The following EML1 variants were observed in gnomAD, a reference collection of about 807,000 sequenced individuals.
EML1 encodes EMAP like 1.
In EML1, 27 loss-of-function variants were observed where a neutral mutation model predicts 110.4. The observed-to-expected ratio is 0.24, with a 90% confidence interval of 0.18 to 0.34. The LOEUF is 0.34. Among genes scored for constraint, EML1 ranks in the 10% least tolerant of loss-of-function variants. The pLI, the probability that EML1 is intolerant of heterozygous loss-of-function variation, is 1.00. For synonymous variants in EML1, 344 were observed against 385.8 expected (o/e 0.89, Z 1.27); for missense variants, 741 against 1,030.9 (o/e 0.72, Z 3.85).
chr14:99,822,404 G>T (rs2058279918), intron 1 of EML1, among the ~76,000 whole-genome samples: 1 of 152,106 alleles, frequency 6.6e-6, no homozygotes, highest in South Asian at 2.1e-4. Context: ...ATAATTCTTT[G>T]TATTTGTAAG....
At chr14:99,756,437 G>A (rs1042958545) in intron 1 of EML1, among the ~76,000 whole-genome samples, 8 of 152,220 alleles carry the variant, frequency 5.3e-5, no homozygotes, top group African/African-American at 1.7e-4. Context: ...GGCAAAGGCC[G>A]CGGGAGGCCT....
At chr14:99,849,221 G>GAA (rs1397209882) in intron 1 of EML1, among the ~76,000 whole-genome samples, 1 of 152,096 alleles carries the variant, frequency 6.6e-6, no homozygotes. Flanking sequence ...TGCTTTCTTG[G>GAA]AAGATATTTT....
intron 1 of EML1, among the ~76,000 whole-genome samples, chr14:99,801,286 T>C (rs1298343546): frequency 1.3e-5 from 2 of 152,144 alleles, no homozygotes; most frequent in Non-Finnish European, 2.9e-5. Flanking sequence ...CAATTAAACA[T>C]GTCAAAAATG....
upstream of EML1, among the ~76,000 whole-genome samples, chr14:99,789,260 G>A (rs1178846985): frequency 6.6e-6 from 1 of 152,110 alleles, no homozygotes; most frequent in East Asian, 1.9e-4. Flanking sequence ...CCAGGATAGA[G>A]TGCAGTGGCA....
intron 1 of EML1, among the ~76,000 whole-genome samples, chr14:99,804,694 A>G (rs564061021): frequency 6.6e-6 from 1 of 152,196 alleles, no homozygotes; most frequent in Non-Finnish European, 1.5e-5. Context: ...GAGGCCACAC[A>G]TGGTTTACAA....
At chr14:99,770,779 A>T (rs866994671), upstream of EML1, among the ~76,000 whole-genome samples, 90 of 91,606 alleles carry the variant, frequency 9.8e-4, no homozygotes, top group East Asian at 1.7e-3. Flanking sequence ...GTTTCCGCTG[A>T]TTTTTTTTTT....
upstream of EML1, among the ~76,000 whole-genome samples, chr14:99,793,135 G>T (rs554433779): frequency 3.7e-3 from 557 of 149,556 alleles, no homozygotes; most frequent in Middle Eastern, 0.014. Flanking sequence ...GACAGCGGGC[G>T]GCAGACGCGC....
At chr14:99,913,941 C>T (rs1381418372) in intron 13 of EML1, among the ~76,000 whole-genome samples, 1 of 152,158 alleles carries the variant, frequency 6.6e-6, no homozygotes, top group African/African-American at 2.4e-5. Flanking sequence ...CCACCTGCTT[C>T]AGCCTCCCAA....
intron 1 of EML1, among the ~76,000 whole-genome samples, chr14:99,766,765 G>T (rs1175251914): frequency 6.6e-6 from 1 of 152,146 alleles, no homozygotes; most frequent in Non-Finnish European, 1.5e-5. Context: ...AAAATTTAAC[G>T]AAGCCAGCTG....
rs183860885 is a variant in EML1, at chr14:99,881,792, G to T, written c.518+3173G>T. Among the ~76,000 whole-genome samples the T allele has an allele frequency of 8.6e-5, 13 of 151,964 alleles. No individual in the cohort carries two copies. The East Asian group carries it at 2.3e-3, about 27-fold the overall frequency. On this transcript the variant is annotated intron_variant, in intron 4 of 21. Coordinates refer to ENST00000262233, the MANE Select transcript of EML1 (RefSeq NM_004434.3). ...AGTTTTATATTTTTAGTAGAGACGG[G>T]GTTTCACCACATTGGCCAGGATGGT...
At chr14:99,790,244 C>T (rs1005199861), upstream of EML1, among the ~76,000 whole-genome samples, 12 of 152,122 alleles carry the variant, frequency 7.9e-5, no homozygotes, top group African/African-American at 2.9e-4. Flanking sequence ...AAATATATGT[C>T]TCCTTTCCCA....
chr14:99,929,435 C>A (rs1430923741), intron 17 of EML1, among the ~76,000 whole-genome samples: 2 of 152,214 alleles, frequency 1.3e-5, no homozygotes, highest in Admixed American at 6.5e-5. Flanking sequence ...ATGGTGGACT[C>A]AGACCCCTGG....
intron 1 of EML1, among the ~76,000 whole-genome samples, chr14:99,821,643 T>A (rs1288804411): frequency 6.6e-6 from 1 of 152,236 alleles, no homozygotes; most frequent in Non-Finnish European, 1.5e-5. Flanking sequence ...TCTTTCCATT[T>A]GTCACACCTG....
Position 99,898,280 on chromosome 14 carries a change from C to G in EML1, c.875C>G (p.Ala292Gly). Residue 292 changes from alanine (A) to glycine (G), a missense_variant, in exon 8 of 22, where the codon GCG (alanine) becomes GGG (glycine). By Grantham distance (60) the Ala-to-Gly change is moderately conservative. Around this residue, in one of 4 missense-constraint regions of EML1, gnomAD observed 388 missense variants for 605.6 expected, o/e 0.64. Transcript: ENST00000262233. ...ATCACGATAGCAACAGGACAAGTTG[C>G]GGGCACATCGAAGGATGGAAAAGTG... Reference protein sequence around the residue: ...DRITIATGQVAGTSKDGKQLP... With the variant: ...DRITIATGQVGGTSKDGKQLP... The G allele has an allele frequency of 6.2e-7, 1 of 1,611,006 alleles. No homozygotes were observed. The highest frequency in any genetic ancestry group is 1.7e-5 in the Admixed American group (1 of 59,710).
intron 1 of EML1, among the ~76,000 whole-genome samples, chr14:99,763,304 T>G (rs1342458209): frequency 1.3e-5 from 2 of 152,252 alleles, no homozygotes; most frequent in African/African-American, 4.8e-5. Context: ...TGTATGTTCA[T>G]GTATGTATGT....
rs60618425 is a variant in EML1 at position 99,796,490 on chromosome 14, C to CTT, written c.67+2962_67+2963dup. ...TGTAAAGTGAGCTAGAAATCACAAG[C>CTT]TTTTTTTTTTTTTTTTCTTTGAGCC... On this transcript the variant is annotated intron_variant, in intron 1 of 21. Coordinates refer to ENST00000262233, the MANE Select transcript of EML1 (RefSeq NM_004434.3). Among the ~76,000 whole-genome samples, 16 of 136,892 alleles carry CTT rather than the reference C, an allele frequency of 1.2e-4. 1 individual carries two copies. Among genetic ancestry groups the CTT allele is most frequent in the Admixed American group, 3.7e-4 (5 of 13,492 alleles). The allele number at this position is 136,892 out of a possible 152,430, so 89.8% of individuals were successfully genotyped here.
chr14:99,772,684 A>G (rs1427729373), upstream of EML1, among the ~76,000 whole-genome samples: 1 of 152,194 alleles, frequency 6.6e-6, no homozygotes, highest in African/African-American at 2.4e-5. Context: ...CCAGAAGTGG[A>G]GCAAAAGGTT....
At chr14:99,741,198 G>C (rs1241505952) in intron 1 of EML1, among the ~76,000 whole-genome samples, 2 of 152,144 alleles carry the variant, frequency 1.3e-5, no homozygotes, top group African/African-American at 4.8e-5. Flanking sequence ...GTATGGTAAG[G>C]ACAGGCCTCT....
chr14:99,931,257 C>T (rs2060362327), intron 17 of EML1, among the ~76,000 whole-genome samples: 1 of 152,148 alleles, frequency 6.6e-6, no homozygotes, highest in Non-Finnish European at 1.5e-5. Context: ...CCCCTCCCTC[C>T]CCACCCCAGA....
Sources: gnomAD v4.1 joint callset for allele counts (sites outside exome capture counted in the v4.1 genomes callset) on GRCh38, gnomAD v4.1.1 for gene constraint, gnomAD v4.1.1 regional missense constraint, MANE v1.5 for transcripts, NCBI Gene and HGNC (gene_info 2026-07-23, HGNC 2026-07-21) for gene names.